The following CEP290 variants were observed in gnomAD, a reference collection of about 807,000 sequenced individuals.
CEP290 encodes centrosomal protein of 290 kDa.
A neutral mutation model predicts 344.9 loss-of-function variants in CEP290; 317 were observed. The observed-to-expected ratio is 0.92, with a 90% confidence interval of 0.84 to 1.01. The LOEUF is 1.01. CEP290 is among the 50% of genes least tolerant of loss of function. The pLI is 0.00. For missense variants in CEP290, 2,754 were observed against 2,761.4 expected (o/e 1.00, Z 0.06); for synonymous variants, 932 against 895.8 (o/e 1.04, Z -0.72).
At chr12:88,082,886 A>C (rs1450233576) in intron 37 of CEP290, 145 bp downstream of exon 37, 2 of 535,478 alleles carry the variant, frequency 3.7e-6, no homozygotes, top group Non-Finnish European at 6.4e-6. Flanking sequence ...AAATGATAAC[A>C]TATGTAACCA....
rs959884985 is a variant in CEP290, at chr12:88,062,617, C to T, written c.6357+75G>A. The T allele has an allele frequency of 5.3e-6, 5 of 942,038 alleles. No homozygotes were observed. The African/African-American group carries it at 8.2e-5, about 15-fold the overall frequency. The allele number at this position is 942,038 out of a possible 1,614,324, so 58.4% of individuals were successfully genotyped here. ...TTGTAGAGGCATATCAGTACTTTTACAACATATCTAAACTTTTCATTTCTG... is the reference window on the plus strand; with the variant it reads ...TTGTAGAGGCATATCAGTACTTTTATAACATATCTAAACTTTTCATTTCTG... On this transcript the variant is annotated intron_variant, in intron 46 of 53. Coordinates refer to ENST00000552810, the MANE Select transcript of CEP290 (RefSeq NM_025114.4).
chr12:88,049,374 TC>T lies in CEP290; in HGVS notation c.7249del (p.Asp2417IlefsTer19). On this transcript the variant is annotated frameshift_variant, in exon 54 of 54. Coordinates refer to ENST00000552810, the MANE Select transcript of CEP290 (RefSeq NM_025114.4). LOFTEE classifies it high-confidence loss of function. ...TTCAATTTCTTCAAAAAATGAAGGA[TC>T]AAAATTTTCCAGTTCTTTTTTCAGC... ...KKLKKELENF[D>X]PSFFEEIEDL... 1 of 1,552,958 alleles carries T rather than the reference TC, an allele frequency of 6.4e-7. No individual in the cohort carries two copies. Among genetic ancestry groups the T allele is most frequent in the South Asian group, 1.2e-5 (1 of 84,198 alleles).
At position 88,106,712 on chromosome 12, in the gene CEP290, T is replaced by C. The variant is rs759408789; in HGVS notation, c.2780A>G (p.Glu927Gly). The stretch of plus-strand genomic sequence containing the variant: ...CAAACACCCAATTTTTTCACAAACT[T>C]CAGCCTCCATTGACAACAATTCATT... ...QKNELLSMEA[E>G]VCEKIGCLQR... Residue 927 changes from glutamate (E) to glycine (G), a missense_variant, in exon 25 of 54, where the codon GAA becomes GGA. Glu to Gly is a moderately conservative substitution (Grantham distance 98, BLOSUM62 -2). Coordinates refer to ENST00000552810, the MANE Select transcript of CEP290 (RefSeq NM_025114.4). 5 of 1,611,040 alleles carry C rather than the reference T, an allele frequency of 3.1e-6. No homozygotes were observed. The highest frequency in any genetic ancestry group is 4.2e-6 in the Non-Finnish European group (5 of 1,178,912).
intron 25 of CEP290, among the ~76,000 whole-genome samples, chr12:88,104,814 G>T (rs1336778532): frequency 6.6e-6 from 1 of 151,896 alleles, no homozygotes; most frequent in South Asian, 2.1e-4. Context: ...TCAAATTATT[G>T]TATGTATATT....
intron 6 of CEP290, chr12:88,135,968 T>C (rs1214575132): frequency 6.6e-6 from 1 of 152,108 alleles, no homozygotes; most frequent in Non-Finnish European, 1.5e-5. Context: ...ATAGGAAATT[T>C]TCTTCCAGGA....
rs767722828 is a variant in CEP290, at chr12:88,126,335, T to G, written c.1046A>C (p.Asn349Thr). 13 of 1,490,020 alleles carry G rather than the reference T, an allele frequency of 8.7e-6. No individual in the cohort carries two copies. Among genetic ancestry groups the G allele is most frequent in the Non-Finnish European group, 1.2e-5 (13 of 1,124,672 alleles). 92.3% of individuals were successfully genotyped at this position (1,490,020 alleles called of 1,614,324 possible). Residue 349 changes from asparagine to threonine, a missense_variant, in exon 12 of 54, where the codon AAT (asparagine) becomes ACT (threonine). Asn to Thr is a moderately conservative substitution (Grantham distance 65, BLOSUM62 0). Transcript: ENST00000552810. The stretch of plus-strand genomic sequence containing the variant: ...TTTTACCTGCTGTAGAGCCATAACA[T>G]TACTTTTATCAGCATCAAGCTGAGC... ...KNAQLDADKS[N>T]VMALQQGIQE...
In CEP290 at chr12:88,111,789, G is replaced by A. The variant is rs267603713; in HGVS notation, c.2122C>T (p.Leu708Phe). ...CTTAATTCTTCATTTCTTCCGGTAA[G>A]CTGATCAACTTGGGCTTTCAAATGC... ...SLHLKAQVDQ[L>F]TGRNEELRQE... Residue 708 changes from leucine (L) to phenylalanine (F), a missense_variant, in exon 21 of 54, where the codon CTT becomes TTT. Transcript: ENST00000552810. 1.6e-5 allele frequency: 25 copies of A among 1,607,436 alleles called. No individual in the cohort carries two copies. The highest frequency in any genetic ancestry group is 2.1e-5 in the Non-Finnish European group (25 of 1,177,252).
At chr12:88,138,342 T>G (rs1337611097) in intron 5 of CEP290, among the ~76,000 whole-genome samples, 1 of 152,194 alleles carries the variant, frequency 6.6e-6, no homozygotes, top group Admixed American at 6.5e-5. Context: ...ACAGAACTGA[T>G]CCAACTCCAT....
chr12:88,089,067 T>C lies in CEP290; in HGVS notation c.3994A>G (p.Ile1332Val). ...ELKLKGLEEL[I>V]STLKDTKGAQ... Reference sequence around the variant, plus strand: ...CCTTTGGTATCCTTTAAAGTGCTTATTAACTCTTCCAGGCCCTTTAATTTT... The same window carrying C: ...CCTTTGGTATCCTTTAAAGTGCTTACTAACTCTTCCAGGCCCTTTAATTTT... The change falls in exon 31 of 54, where the codon ATA becomes GTA. Residue 1332 changes from isoleucine to valine, a missense_variant. Physicochemically the swap from Ile to Val is conservative, Grantham distance 29. Coordinates refer to ENST00000552810, the MANE Select transcript of CEP290 (RefSeq NM_025114.4). The C allele has an allele frequency of 6.6e-7, 1 of 1,526,152 alleles. No homozygotes were observed. Among genetic ancestry groups the C allele is most frequent in the Non-Finnish European group, 8.8e-7 (1 of 1,141,810 alleles). The allele number at this position is 1,526,152 out of a possible 1,614,324, so 94.5% of individuals were successfully genotyped here. A position where few individuals can be genotyped will look rare whatever the true frequency, so the allele number is the denominator to read the frequency against.
chr12:88,120,922 G>A (rs2039359605), intron 14 of CEP290, 75 bp downstream of exon 14: 1 of 1,268,132 alleles, frequency 7.9e-7, no homozygotes, highest in Non-Finnish European at 1.1e-6. Context: ...ATGGTATGCA[G>A]TAAATAGCAC....
intron 27 of CEP290, 37 bp downstream of exon 27, chr12:88,096,851 G>A (rs1247689638): frequency 1.0e-5 from 10 of 983,114 alleles, no homozygotes; most frequent in Admixed American, 2.7e-5. Flanking sequence ...ATTATTAGAT[G>A]TTAATCATTT....
intron 37 of CEP290, among the ~76,000 whole-genome samples, chr12:88,081,419 TA>T (rs1477547948): frequency 2.0e-5 from 3 of 152,224 alleles, no homozygotes; most frequent in Non-Finnish European, 1.5e-5. Context: ...TTAATTCAAT[TA>T]ATCTTATTGC....
intron 26 of CEP290, among the ~76,000 whole-genome samples, chr12:88,100,198 A>G (rs543303061): frequency 6.6e-6 from 1 of 151,928 alleles, no homozygotes; most frequent in East Asian, 1.9e-4. Context: ...TGAACCTGGG[A>G]GGCAGAGGTT....
At position 88,111,803 on chromosome 12, in the gene CEP290, G is replaced by C; in HGVS notation, c.2108C>G (p.Ala703Gly). ...GIFDASLHLKAQVDQLTGRNE... is the reference protein window; with the variant it reads ...GIFDASLHLKGQVDQLTGRNE... ...TCTTCCGGTAAGCTGATCAACTTGG[G>C]CTTTCAAATGCAGACTCGCATCAAA... Residue 703 changes from alanine to glycine, a missense_variant, in exon 21 of 54, where the codon GCC becomes GGC. Transcript: ENST00000552810. The C allele has an allele frequency of 6.2e-7, 1 of 1,605,014 alleles. No individual in the cohort carries two copies. The highest frequency in any genetic ancestry group is 8.5e-7 in the Non-Finnish European group (1 of 1,176,186).
At chr12:88,092,916 T>G in intron 28 of CEP290, 84 bp from the exon 29 acceptor site, 3 of 1,259,912 alleles carry the variant, frequency 2.4e-6, no homozygotes, top group Non-Finnish European at 3.4e-6. Flanking sequence ...AGTACTGCAA[T>G]CCTCTTTACT....
intron 27 of CEP290, among the ~76,000 whole-genome samples, chr12:88,095,528 C>T (rs1017614199): frequency 5.3e-5 from 8 of 152,166 alleles, no homozygotes; most frequent in South Asian, 2.1e-4. Context: ...GTAATACTCT[C>T]ATGTCTTCAT....
intron 50 of CEP290, 54 bp from the exon 51 acceptor site, chr12:88,054,467 T>G: frequency 7.7e-7 from 1 of 1,294,230 alleles, no homozygotes; most frequent in East Asian, 2.3e-5. Flanking sequence ...AATATGAGGA[T>G]TTATAAAGAT....
chr12:88,057,688 C>T (rs1229337063), intron 49 of CEP290, among the ~76,000 whole-genome samples: 1 of 152,136 alleles, frequency 6.6e-6, no homozygotes, highest in Non-Finnish European at 1.5e-5. Flanking sequence ...ACCAAGGCCT[C>T]CTCCAGGACT....
At chr12:88,111,379 T>C in intron 21 of CEP290, 28 bp from the exon 22 acceptor site, 2 of 1,553,150 alleles carry the variant, frequency 1.3e-6, no homozygotes, top group Non-Finnish European at 1.7e-6. Context: ...GCAATGAGAA[T>C]CACAACTCTT....
Sources: gnomAD v4.1 joint callset for allele counts (sites outside exome capture counted in the v4.1 genomes callset) on GRCh38, gnomAD v4.1.1 for gene constraint, MANE v1.5 for transcripts, NCBI Gene and HGNC (gene_info 2026-07-23, HGNC 2026-07-21) for gene names.